Variants in TANC2 observed in about 807,000 individuals in gnomAD.
The protein encoded by TANC2 is tetratricopeptide repeat, ankyrin repeat and coiled-coil containing 2.
Under a neutral mutation model 210.5 loss-of-function variants are expected in TANC2, and 26 were observed. That is an observed-to-expected ratio of 0.12 (90% confidence interval 0.09 to 0.17). The LOEUF is 0.17. Ranked by LOEUF, TANC2 falls within the 10% of genes least tolerant of loss-of-function variation. The pLI, the probability that TANC2 is intolerant of heterozygous loss-of-function variation, is 1.00. For synonymous variants in TANC2, 931 were observed against 967.1 expected (o/e 0.96, Z 0.69); for missense variants, 2,129 against 2,608.9 (o/e 0.82, Z 4.01).
chr17:63,162,742 A>C (rs2145494365), intron 5 of TANC2, among the ~76,000 whole-genome samples: 1 of 152,238 alleles, frequency 6.6e-6, no homozygotes, highest in Non-Finnish European at 1.5e-5. Flanking sequence ...TTTCTAAATT[A>C]AATGGAGAGT....
At chr17:63,131,625 A>T (rs1477103025) in intron 4 of TANC2, among the ~76,000 whole-genome samples, 5 of 152,158 alleles carry the variant, frequency 3.3e-5, no homozygotes, top group African/African-American at 1.2e-4. Context: ...GTATTAACGG[A>T]TATTTAAGTA....
intron 5 of TANC2, among the ~76,000 whole-genome samples, chr17:63,165,628 A>G (rs1414890389): frequency 6.6e-6 from 1 of 152,212 alleles, no homozygotes; most frequent in Non-Finnish European, 1.5e-5. Flanking sequence ...TTTATTGTGC[A>G]ACTTCTAGAA....
chr17:63,012,248 T>TG (rs2033907928), intron 2 of TANC2, among the ~76,000 whole-genome samples: 1 of 152,128 alleles, frequency 6.6e-6, no homozygotes, highest in Non-Finnish European at 1.5e-5. Flanking sequence ...CTTGAACTCC[T>TG]GGGGTCAAAT....
At chr17:63,358,796 A>C (rs146474321) in intron 14 of TANC2, among the ~76,000 whole-genome samples, 1 of 152,184 alleles carries the variant, frequency 6.6e-6, no homozygotes, top group Non-Finnish European at 1.5e-5. Flanking sequence ...TTTAAGGCTG[A>C]TAGAGTAGAC....
intron 5 of TANC2, among the ~76,000 whole-genome samples, chr17:63,159,641 TATTTACATAGC>T (rs1377266363): frequency 6.6e-6 from 1 of 152,176 alleles, no homozygotes; most frequent in East Asian, 1.9e-4. Flanking sequence ...GTATAATAGC[TATTTACATAGC>T]ATTTACATTG....
At chr17:63,259,101 G>T (rs2043283940) in intron 8 of TANC2, among the ~76,000 whole-genome samples, 1 of 152,156 alleles carries the variant, frequency 6.6e-6, no homozygotes, top group Admixed American at 6.5e-5. Context: ...CTGGCACGGG[G>T]TATGTCTAGA....
intron 3 of TANC2, among the ~76,000 whole-genome samples, chr17:63,087,015 T>G (rs759972108): frequency 3.3e-5 from 5 of 152,224 alleles, no homozygotes; most frequent in Admixed American, 6.5e-5. Context: ...CTTTCTGTGC[T>G]GTGGAAGCTT....
At chr17:63,099,660 A>G (rs2037550821) in intron 4 of TANC2, among the ~76,000 whole-genome samples, 1 of 152,184 alleles carries the variant, frequency 6.6e-6, no homozygotes, top group Non-Finnish European at 1.5e-5. Flanking sequence ...GATTTCATTT[A>G]TCAGCTTGTT....
intron 25 of TANC2, 135 bp from the exon 26 acceptor site, chr17:63,415,393 A>G (rs2048826737): frequency 1.2e-5 from 14 of 1,161,906 alleles, no homozygotes; most frequent in East Asian, 1.0e-4. Context: ...CAGGGCCAGA[A>G]CTCCTCTCTA....
At position 63,135,606 on chromosome 17, in the gene TANC2, G is replaced by A. The variant is rs141437615; in HGVS notation, c.323-15664G>A. Reference sequence around the variant, plus strand: ...ATATTACAAAATTTTAACAGAGATAGGATTTCTGGTAAATTTTATTTACAC... The same window carrying A: ...ATATTACAAAATTTTAACAGAGATAAGATTTCTGGTAAATTTTATTTACAC... On this transcript the variant is annotated intron_variant, in intron 4 of 27. Coordinates refer to ENST00000689528, the Ensembl canonical transcript of TANC2. Among the ~76,000 whole-genome samples, 737 of 151,886 alleles carry A rather than the reference G, an allele frequency of 4.9e-3. 8 individuals carry two copies. Among genetic ancestry groups the A allele is most frequent in the African/African-American group, 0.017 (685 of 41,424 alleles).
chr17:63,284,479 G>A (rs549624703), intron 9 of TANC2, among the ~76,000 whole-genome samples: 1 of 151,572 alleles, frequency 6.6e-6, no homozygotes, highest in South Asian at 2.1e-4. Context: ...CATTTCATTT[G>A]CGTTCCATTC....
chr17:63,399,559 C>T (rs186821063), intron 19 of TANC2, among the ~76,000 whole-genome samples: 166 of 152,330 alleles, frequency 1.1e-3, no homozygotes, highest in Non-Finnish European at 1.8e-3. Context: ...CCCTCCAAGT[C>T]TAAACTGCAG....
At chr17:63,367,318 CAT>C (rs1212665760) in intron 14 of TANC2, among the ~76,000 whole-genome samples, 15 of 152,328 alleles carry the variant, frequency 9.8e-5, no homozygotes, top group Non-Finnish European at 2.1e-4. Flanking sequence ...ACCCACGGCC[CAT>C]GGGCCACATG....
chr17:63,222,267 A>G (rs1005563772), intron 7 of TANC2, among the ~76,000 whole-genome samples: 8 of 152,168 alleles, frequency 5.3e-5, no homozygotes, highest in Admixed American at 4.6e-4. Flanking sequence ...GGGGGTTAGA[A>G]TTTCAATGTA....
chr17:63,114,237 TATAAA>T (rs768877193), intron 4 of TANC2, among the ~76,000 whole-genome samples: 5 of 152,152 alleles, frequency 3.3e-5, no homozygotes, highest in Non-Finnish European at 2.9e-5. Flanking sequence ...AAAGTCAACA[TATAAA>T]ATAAAAACTG....
intron 10 of TANC2, among the ~76,000 whole-genome samples, chr17:63,317,174 GTCT>G (rs1254332036): frequency 2.6e-5 from 4 of 151,996 alleles, no homozygotes; most frequent in Non-Finnish European, 5.9e-5. Context: ...TTCTGCCCCT[GTCT>G]TCTTTCTGTT....
chr17:63,298,714 A>G (rs1403367888), intron 9 of TANC2, among the ~76,000 whole-genome samples: 2 of 152,134 alleles, frequency 1.3e-5, no homozygotes, highest in Non-Finnish European at 2.9e-5. Flanking sequence ...TATGTGAAGA[A>G]TATATGTAAA....
At chr17:63,059,246 T>C (rs916222096) in intron 2 of TANC2, among the ~76,000 whole-genome samples, 6 of 152,202 alleles carry the variant, frequency 3.9e-5, no homozygotes, top group Non-Finnish European at 5.9e-5. Context: ...TCCCTTTGCT[T>C]TTCTTGAAAA....
At chr17:63,321,870 A>T (rs187598514) in intron 11 of TANC2, among the ~76,000 whole-genome samples, 1 of 152,136 alleles carries the variant, frequency 6.6e-6, no homozygotes, top group Non-Finnish European at 1.5e-5. Context: ...CTGGGGATCT[A>T]ACTTCTTACA....
Sources: allele counts gnomAD v4.1 joint callset (sites outside exome capture counted in the v4.1 genomes callset), GRCh38; gene constraint gnomAD v4.1.1; transcripts MANE v1.5; gene names NCBI Gene and HGNC (gene_info 2026-07-23, HGNC 2026-07-21).